Variants in PTPRT observed in about 807,000 individuals in gnomAD.
PTPRT encodes the protein receptor-type tyrosine-protein phosphatase T.
Under a neutral mutation model 176.8 loss-of-function variants are expected in PTPRT, and 56 were observed. That is an observed-to-expected ratio of 0.32 (90% CI 0.26 to 0.40). PTPRT has a LOEUF of 0.40. Among genes scored for constraint, PTPRT ranks in the 10% least tolerant of loss-of-function variants. The pLI is 1.00. For synonymous variants in PTPRT, 783 were observed against 739.0 expected, an observed-to-expected ratio of 1.06 and a Z score of -0.96; for missense variants, 1,540 against 1,908.2, an observed-to-expected ratio of 0.81 and a Z score of 3.60.
At chr20:43,036,169 G>A (rs886598476) in intron 1 of PTPRT, among the ~76,000 whole-genome samples, 1 of 152,150 alleles carries the variant, frequency 6.6e-6, no homozygotes, top group Admixed American at 6.5e-5. Flanking sequence ...TGAATGAGCT[G>A]GTCATGTAAA....
At chr20:42,081,227 C>A (rs993142621) in intron 30 of PTPRT, among the ~76,000 whole-genome samples, 1 of 152,116 alleles carries the variant, frequency 6.6e-6, no homozygotes, top group East Asian at 1.9e-4. Flanking sequence ...AGCCAGAAAT[C>A]TTTTTAAAAT....
intron 1 of PTPRT, among the ~76,000 whole-genome samples, chr20:43,128,143 T>C (rs1163905115): frequency 2.6e-5 from 4 of 152,206 alleles, no homozygotes; most frequent in Non-Finnish European, 4.4e-5. Context: ...ATACCCACTG[T>C]AAGAGTGGTG....
intron 4 of PTPRT, among the ~76,000 whole-genome samples, chr20:42,779,455 ATCCCTCCCAGGG>A (rs1235343783): frequency 2.0e-5 from 3 of 152,204 alleles, no homozygotes; most frequent in Non-Finnish European, 4.4e-5. Context: ...CATTCCAGGT[ATCCCTCCCAGGG>A]TCTGCCATAA....
chr20:42,108,131 A>G (rs773631677), intron 23 of PTPRT, among the ~76,000 whole-genome samples: 1 of 152,256 alleles, frequency 6.6e-6, no homozygotes, highest in African/African-American at 2.4e-5. Context: ...AAATTTTGGA[A>G]CAACTATCAA....
intron 7 of PTPRT, among the ~76,000 whole-genome samples, chr20:42,600,134 TA>T (rs1391125961): frequency 2.0e-5 from 3 of 151,546 alleles, no homozygotes; most frequent in Admixed American, 6.6e-5. Context: ...TTGTTGTTGT[TA>T]TTTTTTTGTT....
chr20:42,119,103 A>G lies in PTPRT; in HGVS notation c.2885-603T>C, dbSNP rs191681673. 9.8e-4 allele frequency among the ~76,000 whole-genome samples: 148 copies of G among 150,532 alleles called. 2 individuals are homozygous for G. In the East Asian group the frequency reaches 0.027, roughly 27 times the overall value. ...CAATTTCCTTGGAAATTACTCTTTCAATGTCCTGGGCCTTCATCATTTTTA... is the reference window on the plus strand; with the variant it reads ...CAATTTCCTTGGAAATTACTCTTTCGATGTCCTGGGCCTTCATCATTTTTA... On this transcript the variant is annotated intron_variant, in intron 20 of 30. Transcript: ENST00000373187.
At chr20:42,719,965 C>T (rs138421789) in intron 6 of PTPRT, among the ~76,000 whole-genome samples, 2 of 152,314 alleles carry the variant, frequency 1.3e-5, no homozygotes, top group Non-Finnish European at 2.9e-5. Context: ...CCGCCATGAA[C>T]TCACATGCAT....
chr20:42,994,825 G>A (rs1271995897), intron 1 of PTPRT, among the ~76,000 whole-genome samples: 1 of 152,196 alleles, frequency 6.6e-6, no homozygotes, highest in Non-Finnish European at 1.5e-5. Context: ...AACTTCAATG[G>A]TGATGTCTGA....
rs2058294127 is a variant in PTPRT, at chr20:42,352,196, G to C, written c.1650C>G (p.His550Gln). Reference protein sequence around the residue: ...GKVFKLRNETHHLFVGLYPGT... With the variant: ...GKVFKLRNETQHLFVGLYPGT... ...CTGGGTACAGACCCACAAAGAGGTG[G>C]TGGGTTTCATTCCGGAGCTTGAACA... is the stretch of plus-strand genomic sequence containing the variant. The change falls in exon 10 of 31, where the codon CAC (histidine) becomes CAG (glutamine). Residue 550 changes from histidine (H) to glutamine (Q), a missense_variant. Physicochemically the swap from His to Gln is conservative, Grantham distance 24. Around this residue, in one of 11 missense-constraint regions of PTPRT, gnomAD observed 136 missense variants for 135.0 expected, o/e 1.01. Transcript: ENST00000373187. 6.2e-7 allele frequency: 1 copy of C among 1,614,188 alleles called. No homozygotes were observed. The highest frequency in any genetic ancestry group is 8.5e-7 in the Non-Finnish European group (1 of 1,180,032).
intron 9 of PTPRT, among the ~76,000 whole-genome samples, chr20:42,424,803 C>T (rs974805801): frequency 6.7e-6 from 1 of 149,352 alleles, no homozygotes; most frequent in African/African-American, 2.5e-5. Context: ...CTTCCCAAGA[C>T]AAGAACGCAA....
At chr20:42,863,974 G>C (rs2145801227) in intron 2 of PTPRT, among the ~76,000 whole-genome samples, 1 of 152,338 alleles carries the variant, frequency 6.6e-6, no homozygotes, top group African/African-American at 2.4e-5. Context: ...AGGTGTTCAG[G>C]AAGTCGCTCC....
At chr20:42,686,529 G>A (rs2075697125) in intron 6 of PTPRT, among the ~76,000 whole-genome samples, 1 of 126,490 alleles carries the variant, frequency 7.9e-6, no homozygotes, top group Admixed American at 1.0e-4. Flanking sequence ...TGTCACCCAG[G>A]CTGGAGTGCA....
At chr20:42,911,712 C>G (rs1307781835) in intron 1 of PTPRT, among the ~76,000 whole-genome samples, 1 of 151,986 alleles carries the variant, frequency 6.6e-6, no homozygotes, top group Non-Finnish European at 1.5e-5. Flanking sequence ...AAACACAATC[C>G]CCTCTAAACC....
rs56310086 is a variant in PTPRT, at chr20:42,345,582, ATGTGTGTGTG to A, written c.1865+5036_1865+5045del. Among the ~76,000 whole-genome samples, 386 of 94,644 alleles carry A rather than the reference ATGTGTGTGTG, an allele frequency of 4.1e-3. 7 individuals are homozygous for A. The highest frequency in any genetic ancestry group is 0.013 in the Admixed American group (94 of 7,336). The allele number at this position is 94,644 out of a possible 152,430, so 62.1% of individuals were successfully genotyped here. On this transcript the variant is annotated intron_variant, in intron 11 of 30. Coordinates refer to ENST00000373187, the MANE Select transcript of PTPRT (RefSeq NM_007050.6). ...CACACATATATATACATACATATAT[ATGTGTGTGTG>A]TGTGTGTGTGTGTGTGTGTGTGTGT... is the stretch of plus-strand genomic sequence containing the variant.
Position 42,184,541 on chromosome 20 carries a change from C to CTCTTCCTCTTCCTCTTCT in PTPRT, c.2491+14698_2491+14699insAGAAGAGGAAGAGGAAGA, listed in dbSNP as rs1555797959. Among the ~76,000 whole-genome samples the CTCTTCCTCTTCCTCTTCT allele has an allele frequency of 5.5e-5, 5 of 91,546 alleles. No homozygotes were observed. In the East Asian group the frequency reaches 1.3e-3, roughly 24 times the overall value. The allele number at this position is 91,546 out of a possible 152,430, so 60.1% of individuals were successfully genotyped here. A position where few individuals can be genotyped will look rare whatever the true frequency, so the allele number is the denominator to read the frequency against. On this transcript the variant is annotated intron_variant, in intron 16 of 30. Transcript: ENST00000373187. ...CTCCTTCTTCTTCTTCTTCCTCTTC[C>CTCTTCCTCTTCCTCTTCT]TCTTCTTCTTCTTCTTCTTATTCTT...
chr20:42,412,540 T>G (rs1369594167), intron 9 of PTPRT, among the ~76,000 whole-genome samples: 1 of 152,056 alleles, frequency 6.6e-6, no homozygotes, highest in Non-Finnish European at 1.5e-5. Context: ...ACCCAGAAAA[T>G]CAAATCCTGG....
rs1278907620 is a variant in PTPRT at position 42,618,401 on chromosome 20, A to G, written c.1153+59465T>C. ...TGGAATAGGTGTGTTGTGGTGCTGA[A>G]AAAAATGTATATTCTGTTGATTTGG... On this transcript the variant is annotated intron_variant, in intron 7 of 30. Coordinates refer to ENST00000373187, the MANE Select transcript of PTPRT (RefSeq NM_007050.6). Among the ~76,000 whole-genome samples, 8 of 136,012 alleles carry G rather than the reference A, an allele frequency of 5.9e-5. 2 individuals are homozygous for G. The highest frequency in any genetic ancestry group is 1.1e-4 in the Non-Finnish European group (7 of 65,126). 89.2% of individuals were successfully genotyped at this position (136,012 alleles called of 152,430 possible).
chr20:42,647,937 C>G lies in PTPRT; in HGVS notation c.1153+29929G>C, dbSNP rs545221622. Among the ~76,000 whole-genome samples the G allele has an allele frequency of 2.6e-5, 4 of 152,266 alleles. No homozygotes were observed. The South Asian group carries it at 8.3e-4, about 32-fold the overall frequency. On this transcript the variant is annotated intron_variant, in intron 7 of 30. Coordinates refer to ENST00000373187, the MANE Select transcript of PTPRT (RefSeq NM_007050.6). ...AATAACAAAGTCAGGAGTTTCTTCTCTGAGGTAAGCTTTGCTGGAAATTTC... is the reference window on the plus strand; with the variant it reads ...AATAACAAAGTCAGGAGTTTCTTCTGTGAGGTAAGCTTTGCTGGAAATTTC...
the PTPRT span, among the ~76,000 whole-genome samples, chr20:42,045,272 G>C: frequency 1.3e-5 from 2 of 151,854 alleles, no homozygotes; most frequent in African/African-American, 4.8e-5. Flanking sequence ...ATTAAAGGAG[G>C]ACCAAGACCA....
Sources: gnomAD v4.1 joint callset for allele counts (sites outside exome capture counted in the v4.1 genomes callset) on GRCh38, gnomAD v4.1.1 for gene constraint, gnomAD v4.1.1 regional missense constraint, MANE v1.5 for transcripts, NCBI Gene and HGNC (gene_info 2026-07-23, HGNC 2026-07-21) for gene names.